Variants in BRINP3 observed in about 807,000 individuals in gnomAD.
BRINP3 encodes BMP/retinoic acid-inducible neural-specific protein 3.
In BRINP3, 19 loss-of-function variants were observed where a neutral mutation model predicts 71.0. The observed-to-expected ratio is 0.27, with a 90% CI of 0.19 to 0.39. The LOEUF (loss-of-function observed/expected upper bound fraction) is 0.39, where lower values mean the gene tolerates loss of function less well. Among genes scored for constraint, BRINP3 ranks in the 10% least tolerant of loss-of-function variants. The pLI is 1.00. For missense variants in BRINP3, 959 were observed against 940.8 expected (o/e 1.02, Z -0.25); for synonymous variants, 380 against 337.7 (o/e 1.13, Z -1.37).
At chr1:190,264,769 T>C in intron 4 of BRINP3, 96 bp downstream of exon 4, 1 of 922,346 alleles carries the variant, frequency 1.1e-6, no homozygotes, top group Non-Finnish European at 1.6e-6. Context: ...AATAATTGTT[T>C]AAATTCATGG....
intron 4 of BRINP3, among the ~76,000 whole-genome samples, chr1:190,255,435 C>T (rs1460090891): frequency 6.6e-6 from 1 of 151,982 alleles, no homozygotes; most frequent in Non-Finnish European, 1.5e-5. Flanking sequence ...GGTTGATATG[C>T]AATTAATTAT....
chr1:190,127,752 A>C (rs1654208277), intron 7 of BRINP3, among the ~76,000 whole-genome samples: 1 of 151,854 alleles, frequency 6.6e-6, no homozygotes, highest in Admixed American at 6.6e-5. Context: ...TATATGGCAA[A>C]ATGGACCACC....
chr1:190,255,158 T>C (rs1445646628), intron 4 of BRINP3, among the ~76,000 whole-genome samples: 1 of 152,114 alleles, frequency 6.6e-6, no homozygotes, highest in East Asian at 1.9e-4. Flanking sequence ...TTTGATGTGC[T>C]GCTGGATTCG....
intron 1 of BRINP3, among the ~76,000 whole-genome samples, chr1:190,468,195 C>T (rs765220185): frequency 6.6e-6 from 1 of 151,206 alleles, no homozygotes; most frequent in Non-Finnish European, 1.5e-5. Flanking sequence ...TATAGGAAAG[C>T]ATTTCAAAAT....
intron 1 of BRINP3, among the ~76,000 whole-genome samples, chr1:190,463,898 A>T (rs1376869739): frequency 2.0e-5 from 3 of 151,934 alleles, no homozygotes; most frequent in Admixed American, 6.6e-5. Context: ...ATAATTCTTC[A>T]AGATATGAAA....
intron 2 of BRINP3, among the ~76,000 whole-genome samples, chr1:190,303,100 CAT>C (rs952941910): frequency 2.0e-5 from 3 of 151,560 alleles, no homozygotes; most frequent in African/African-American, 7.3e-5. Flanking sequence ...AATTAGATAA[CAT>C]ATTTTAATTT....
At chr1:190,199,771 G>GAAA (rs35752025) in intron 6 of BRINP3, among the ~76,000 whole-genome samples, 1,251 of 123,148 alleles carry the variant, frequency 0.01, 13 homozygotes, top group African/African-American at 0.03. Context: ...CAAGGCATAG[G>GAAA]AAAAAAAAAA....
chr1:190,150,644 AT>A (rs2102419927), intron 7 of BRINP3, among the ~76,000 whole-genome samples: 1 of 152,308 alleles, frequency 6.6e-6, no homozygotes, highest in South Asian at 2.1e-4. Context: ...CCTAATGACA[AT>A]TTTGAAATAG....
At chr1:190,113,781 G>A (rs1249235371) in intron 7 of BRINP3, among the ~76,000 whole-genome samples, 1 of 152,194 alleles carries the variant, frequency 6.6e-6, no homozygotes, top group Admixed American at 6.5e-5. Flanking sequence ...CTGGATTTGA[G>A]ATATGAAATG....
chr1:190,220,868 A>G (rs1350448107), intron 6 of BRINP3, among the ~76,000 whole-genome samples: 2 of 152,218 alleles, frequency 1.3e-5, no homozygotes, highest in African/African-American at 4.8e-5. Flanking sequence ...AAGTACAAGG[A>G]CAAACTCAGA....
At chr1:190,241,673 G>C (rs982866459) in intron 4 of BRINP3, among the ~76,000 whole-genome samples, 3 of 151,886 alleles carry the variant, frequency 2.0e-5, no homozygotes, top group Admixed American at 6.6e-5. Flanking sequence ...TTAATGCTTT[G>C]AAATATAACA....
intron 2 of BRINP3, among the ~76,000 whole-genome samples, chr1:190,378,077 A>T (rs1318145062): frequency 6.6e-6 from 1 of 152,144 alleles, no homozygotes; most frequent in African/African-American, 2.4e-5. Context: ...ATCTTAAAAG[A>T]AGGAAACAAA....
At chr1:190,162,391 T>A (rs1651081088) in intron 6 of BRINP3, among the ~76,000 whole-genome samples, 1 of 151,926 alleles carries the variant, frequency 6.6e-6, no homozygotes, top group Admixed American at 6.6e-5. Context: ...TGAAACCCCA[T>A]CTCTGCCTCC....
chr1:190,104,566 T>C (rs1044968088), intron 7 of BRINP3, among the ~76,000 whole-genome samples: 25 of 152,094 alleles, frequency 1.6e-4, no homozygotes, highest in African/African-American at 6.0e-4. Context: ...TCACGCATAG[T>C]ATTACACTAT....
At chr1:190,139,479 G>GAAA (rs1404657721) in intron 7 of BRINP3, among the ~76,000 whole-genome samples, 435 of 146,380 alleles carry the variant, frequency 3.0e-3, no homozygotes, top group African/African-American at 0.01. Context: ...AAGAAAGAAA[G>GAAA]AAAAGAAAAA....
At chr1:190,337,150 A>G (rs1171193506) in intron 2 of BRINP3, among the ~76,000 whole-genome samples, 2 of 151,956 alleles carry the variant, frequency 1.3e-5, no homozygotes, top group Admixed American at 1.3e-4. Context: ...GCCATGGTAG[A>G]TACCTAGATA....
intron 6 of BRINP3, among the ~76,000 whole-genome samples, chr1:190,225,566 TA>T (rs1248842635): frequency 6.6e-6 from 1 of 151,986 alleles, no homozygotes; most frequent in Non-Finnish European, 1.5e-5. Flanking sequence ...GCAAAGATAG[TA>T]AATTTTATAT....
At chr1:190,231,118 T>C (rs541638947) in intron 5 of BRINP3, among the ~76,000 whole-genome samples, 2 of 151,678 alleles carry the variant, frequency 1.3e-5, no homozygotes, top group Non-Finnish European at 3.0e-5. Context: ...TGAAGAAATA[T>C]TTTTTTAAAG....
chr1:190,190,965 G>T (rs1204516561), intron 6 of BRINP3, among the ~76,000 whole-genome samples: 4 of 152,008 alleles, frequency 2.6e-5, no homozygotes. Context: ...GATATTATAG[G>T]CATTATGAAC....
Sources: allele counts gnomAD v4.1 joint callset (sites outside exome capture counted in the v4.1 genomes callset), GRCh38; gene constraint gnomAD v4.1.1; transcripts MANE v1.5; gene names NCBI Gene and HGNC (gene_info 2026-07-23, HGNC 2026-07-21).